CFAP92: variants seen among roughly 807,000 people sequenced by gnomAD.
CFAP92 encodes the protein cilia and flagella associated protein 92 (putative).
Under a neutral mutation model 106.3 loss-of-function variants are expected in CFAP92, and 86 were observed. The ratio of observed to expected loss-of-function variants is 0.81; its 90% CI spans 0.68 to 0.97. The LOEUF is 0.97. Ranked by LOEUF, CFAP92 falls within the 50% of genes least tolerant of loss-of-function variation. The pLI is 0.00. For synonymous variants in CFAP92, 477 were observed against 506.4 expected (o/e 0.94, Z 0.78); for missense variants, 1,204 against 1,283.8 (o/e 0.94, Z 0.95).
chr3:129,001,206 C>A (rs1944719286), intron 1 of CFAP92, among the ~76,000 whole-genome samples: 1 of 152,240 alleles, frequency 6.6e-6, no homozygotes, highest in Admixed American at 6.5e-5. Flanking sequence ...CGCGCCAACC[C>A]CTCGCCCAGG....
At chr3:128,982,792 G>A (rs144997769) in intron 4 of CFAP92, among the ~76,000 whole-genome samples, 1 of 152,318 alleles carries the variant, frequency 6.6e-6, no homozygotes, top group Non-Finnish European at 1.5e-5. Flanking sequence ...GAGAGGGAGA[G>A]ACAGGAGAAT....
At chr3:128,921,790 A>C (rs945878386) in intron 12 of CFAP92, among the ~76,000 whole-genome samples, 2 of 152,198 alleles carry the variant, frequency 1.3e-5, no homozygotes, top group Admixed American at 1.3e-4. Context: ...GCCCCTCAAC[A>C]AACCAAGGCA....
upstream of CFAP92, among the ~76,000 whole-genome samples, chr3:128,997,086 C>G (rs760999030): frequency 3.9e-5 from 6 of 152,206 alleles, no homozygotes; most frequent in Non-Finnish European, 7.3e-5. Context: ...AAGACATGGA[C>G]TGTACATCTG....
intron 15 of CFAP92, chr3:128,914,816 C>T (rs1291648892): frequency 2.9e-6 from 1 of 340,332 alleles, no homozygotes; most frequent in Non-Finnish European, 5.5e-6. Context: ...TGTTGAAGCT[C>T]AGGAAGCCTT....
intron 4 of CFAP92, among the ~76,000 whole-genome samples, chr3:128,982,983 T>C (rs1234673332): frequency 6.6e-6 from 1 of 152,166 alleles, no homozygotes; most frequent in Non-Finnish European, 1.5e-5. Flanking sequence ...CCGAGAATTA[T>C]CAAAATGTGA....
chr3:128,957,816 A>G (rs1941558746), intron 9 of CFAP92, among the ~76,000 whole-genome samples: 1 of 128,382 alleles, frequency 7.8e-6, no homozygotes, highest in African/African-American at 3.4e-5. Flanking sequence ...CCAGTTTCCT[A>G]CGAAGCGCCA....
intron 8 of CFAP92, chr3:128,970,241 C>CAA (rs367889241): frequency 3.5e-4 from 49 of 141,002 alleles, no homozygotes; most frequent in African/African-American, 1.2e-3. Context: ...GACCCTATCT[C>CAA]AAAAAAAAAA....
intron 12 of CFAP92, among the ~76,000 whole-genome samples, chr3:128,924,717 G>T (rs1473879694): frequency 1.3e-5 from 2 of 152,116 alleles, no homozygotes; most frequent in African/African-American, 4.8e-5. Context: ...AAAGTGCTGG[G>T]ATTATAGGCG....
chr3:128,976,965 C>A lies in CFAP92; in HGVS notation c.896+14G>T. 1 of 1,607,938 alleles carries A rather than the reference C, an allele frequency of 6.2e-7. No homozygotes were observed. Among genetic ancestry groups the A allele is most frequent in the South Asian group, 1.1e-5 (1 of 90,910 alleles). On this transcript the variant is annotated intron_variant, in intron 6 of 15. Coordinates refer to ENST00000645291, the MANE Select transcript of CFAP92 (RefSeq NM_001394090.1). ...GCTCCACTCCCACCACCCAAAATAT[C>A]GTTCAATCCTTACTGAATCGTGGAA...
chr3:128,978,160 C>T lies in CFAP92; in HGVS notation c.693G>A (p.Gln231=). 6.2e-7 allele frequency: 1 copy of T among 1,613,740 alleles called. No individual in the cohort carries two copies. The highest frequency in any genetic ancestry group is 8.5e-7 in the Non-Finnish European group (1 of 1,179,760). The change falls in exon 5 of 16, where the codon CAG becomes CAA. Residue 231 remains glutamine, a synonymous_variant. Coordinates refer to ENST00000645291, the MANE Select transcript of CFAP92 (RefSeq NM_001394090.1). ...CAATGCCCTGTTCAGATAATTTTCT[C>T]TGATTTAAAACCAAATGTCTCACTT... ...KSEVRHLVLN[Q]RKLSEQGIEN...
At chr3:128,947,109 G>A (rs777608661) in intron 9 of CFAP92, among the ~76,000 whole-genome samples, 14 of 152,066 alleles carry the variant, frequency 9.2e-5, no homozygotes, top group South Asian at 4.1e-4. Flanking sequence ...AGGACTGGGT[G>A]CAAGTTCCTT....
intron 4 of CFAP92, among the ~76,000 whole-genome samples, chr3:128,987,295 CTAAGTT>C (rs1444808794): frequency 6.6e-6 from 1 of 151,566 alleles, no homozygotes; most frequent in African/African-American, 2.4e-5. Context: ...TTGGTATCCT[CTAAGTT>C]TGTTTTTTGT....
intron 9 of CFAP92, among the ~76,000 whole-genome samples, chr3:128,948,290 G>T (rs1420283148): frequency 6.6e-6 from 1 of 151,524 alleles, no homozygotes. Flanking sequence ...ACCTCCCTGG[G>T]CTCAGCTGAT....
At chr3:128,925,126 A>G (rs1322961408) in intron 12 of CFAP92, among the ~76,000 whole-genome samples, 1 of 152,092 alleles carries the variant, frequency 6.6e-6, no homozygotes, top group Non-Finnish European at 1.5e-5. Context: ...GCAGTTTCCA[A>G]CCTTTTTGGC....
intron 9 of CFAP92, among the ~76,000 whole-genome samples, chr3:128,960,124 T>C (rs1005381366): frequency 2.1e-4 from 32 of 152,120 alleles, no homozygotes; most frequent in African/African-American, 7.2e-4. Flanking sequence ...CCAAATCCTA[T>C]AAAACGGCCC....
the CFAP92 span, among the ~76,000 whole-genome samples, chr3:129,011,229 C>T: frequency 1.4e-4 from 21 of 152,140 alleles, 1 homozygote; most frequent in Admixed American, 1.4e-3. Flanking sequence ...TTGAAAGTGC[C>T]TATAATAATG....
chr3:128,956,196 T>TAAAAAAAATAAAAAAAAAA (rs1941373729), intron 9 of CFAP92, among the ~76,000 whole-genome samples: 1 of 61,714 alleles, frequency 1.6e-5, no homozygotes, highest in African/African-American at 9.2e-5. Flanking sequence ...AAAAAAAAAA[T>TAAAAAAAATAAAAAAAAAA]AAAAAAAAAA....
chr3:129,023,009 A>C, the CFAP92 span, among the ~76,000 whole-genome samples: 1 of 152,344 alleles, frequency 6.6e-6, no homozygotes, highest in African/African-American at 2.4e-5. Context: ...TCGGGTTCAG[A>C]GGCAGACAGA....
intron 15 of CFAP92, chr3:128,912,378 G>A: frequency 1.3e-6 from 1 of 749,094 alleles, no homozygotes; most frequent in South Asian, 1.5e-5. Context: ...GGGTCTGGAG[G>A]AGGGGTTCAC....
Sources: allele counts gnomAD v4.1 joint callset (sites outside exome capture counted in the v4.1 genomes callset), GRCh38; gene constraint gnomAD v4.1.1; transcripts MANE v1.5; gene names NCBI Gene and HGNC (gene_info 2026-07-23, HGNC 2026-07-21).